Variants in CFAP61 observed in about 807,000 individuals in gnomAD.
The protein encoded by CFAP61 is cilia and flagella associated protein 61.
In CFAP61, 107 loss-of-function variants were observed where a neutral mutation model predicts 135.6. The ratio of observed to expected loss-of-function variants is 0.79; its 90% CI spans 0.67 to 0.93. The LOEUF is 0.93. Ranked by LOEUF, CFAP61 falls within the 40% of genes least tolerant of loss-of-function variation. CFAP61 has a pLI of 0.00. For synonymous variants in CFAP61, 575 were observed against 578.5 expected (o/e 0.99, Z 0.09); for missense variants, 1,507 against 1,556.2 (o/e 0.97, Z 0.53).
chr20:20,351,656 CA>C (rs551106328), intron 26 of CFAP61, among the ~76,000 whole-genome samples: 62 of 150,786 alleles, frequency 4.1e-4, no homozygotes, highest in Non-Finnish European at 7.7e-4. Flanking sequence ...TACAAAGCAT[CA>C]AAAAAAATAT....
intron 25 of CFAP61, among the ~76,000 whole-genome samples, chr20:20,301,780 A>T (rs1200846300): frequency 2.0e-5 from 3 of 152,218 alleles, no homozygotes; most frequent in African/African-American, 7.2e-5. Context: ...ATATATTTTT[A>T]ACCAACTTTG....
At chr20:20,078,950 G>A (rs574481202) in intron 6 of CFAP61, among the ~76,000 whole-genome samples, 3 of 152,178 alleles carry the variant, frequency 2.0e-5, no homozygotes, top group African/African-American at 4.8e-5. Context: ...GATTAATATG[G>A]GGACATTACA....
Position 20,056,727 on chromosome 20 carries a change from A to G in CFAP61, c.74A>G (p.Tyr25Cys). The change falls in exon 2 of 27, where the codon TAT becomes TGT. Residue 25 changes from tyrosine (Y) to cysteine (C), a missense_variant. Tyr to Cys is a radical substitution (Grantham distance 194, BLOSUM62 -2). Transcript: ENST00000245957. Reference protein sequence around the residue: ...HCRRTESQDVYCIKSLIRKFT... With the variant: ...HCRRTESQDVCCIKSLIRKFT... The stretch of plus-strand genomic sequence containing the variant: ...CGAAGAACAGAATCACAGGATGTTT[A>G]TTGTATCAAAAGCCTTATTAGAAAA... The G allele has an allele frequency of 6.2e-7, 1 of 1,614,098 alleles. No homozygotes were observed. Among genetic ancestry groups the G allele is most frequent in the Non-Finnish European group, 8.5e-7 (1 of 1,179,924 alleles).
chr20:20,071,462 T>C (rs2045701918), intron 3 of CFAP61, among the ~76,000 whole-genome samples: 1 of 152,236 alleles, frequency 6.6e-6, no homozygotes, highest in African/African-American at 2.4e-5. Flanking sequence ...GTCTTCTAGC[T>C]GCTGACACAT....
intron 25 of CFAP61, among the ~76,000 whole-genome samples, chr20:20,330,837 A>G (rs762783816): frequency 3.9e-4 from 59 of 152,260 alleles, no homozygotes; most frequent in Admixed American, 3.9e-4. Flanking sequence ...AATTCAAGAG[A>G]ATGTCCTCTC....
intron 2 of CFAP61, among the ~76,000 whole-genome samples, chr20:20,061,766 T>C (rs1209983251): frequency 6.6e-6 from 1 of 152,254 alleles, no homozygotes; most frequent in Non-Finnish European, 1.5e-5. Context: ...CCATGTTTTC[T>C]ATCTTTGTTG....
At chr20:20,069,766 C>A (rs1490217278) in intron 2 of CFAP61, 6 of 456,258 alleles carry the variant, frequency 1.3e-5, no homozygotes, top group Admixed American at 1.2e-4. Context: ...CTTGTCTGCA[C>A]TGACAGTGTA....
At chr20:20,339,179 G>T (rs1255663855) in intron 25 of CFAP61, among the ~76,000 whole-genome samples, 1 of 152,176 alleles carries the variant, frequency 6.6e-6, no homozygotes, top group African/African-American at 2.4e-5. Flanking sequence ...GGCAGGCTGT[G>T]TGGGTTACTT....
chr20:20,196,695 G>A lies in CFAP61; in HGVS notation c.1716G>A (p.Lys572=). 6.2e-7 allele frequency: 1 copy of A among 1,614,152 alleles called. No individual in the cohort carries two copies. The highest frequency in any genetic ancestry group is 8.5e-7 in the Non-Finnish European group (1 of 1,180,036). ...ACCCCATTTTCCGGCACTACACCAA[G>A]TTCTTTCTGAAGGAGATCCTGCGTT... ...ALNPIFRHYT[K]FFLKEILRLG... The change falls in exon 16 of 27, where the codon AAG becomes AAA. Residue 572 remains lysine (K), a synonymous_variant. Transcript: ENST00000245957.
intron 18 of CFAP61, among the ~76,000 whole-genome samples, chr20:20,243,952 C>A (rs2050223825): frequency 6.6e-6 from 1 of 152,140 alleles, no homozygotes; most frequent in Admixed American, 6.5e-5. Context: ...CCATGCAAGT[C>A]CGAAATCCAG....
At chr20:20,076,744 G>A (rs926488037) in intron 6 of CFAP61, among the ~76,000 whole-genome samples, 2 of 152,204 alleles carry the variant, frequency 1.3e-5, no homozygotes, top group Admixed American at 1.3e-4. Context: ...AAGAGCCTAT[G>A]ATTTACCAGG....
chr20:20,094,288 A>G (rs1382716510), intron 7 of CFAP61: 1 of 152,200 alleles, frequency 6.6e-6, no homozygotes, highest in African/African-American at 2.4e-5. Context: ...GGCTAGCCAT[A>G]GAAGGGAGGG....
At position 20,169,078 on chromosome 20, in the gene CFAP61, T is replaced by C. The variant is rs374248996; in HGVS notation, c.1246-243T>C. Among the ~76,000 whole-genome samples the C allele has an allele frequency of 3.3e-5, 5 of 152,324 alleles. 1 individual carries two copies. Among genetic ancestry groups the C allele is most frequent in the African/African-American group, 9.6e-5 (4 of 41,570 alleles). ...AAGAGTTATGCTGAATGACTGCCAT[T>C]GTTTATAAGATTCATTTATTCAGGT... is the stretch of plus-strand genomic sequence containing the variant. On this transcript the variant is annotated intron_variant, in intron 12 of 26. Transcript: ENST00000245957.
chr20:20,182,477 G>A lies in CFAP61; in HGVS notation c.1386-5453G>A, dbSNP rs561890037. On this transcript the variant is annotated intron_variant, in intron 13 of 26. Coordinates refer to ENST00000245957, the MANE Select transcript of CFAP61 (RefSeq NM_015585.4). ...ATTGCAGAATTATTTCTCAAAATATGGTCTGGAGTCAATAGCAGTTCAGCT... is the reference window on the plus strand; with the variant it reads ...ATTGCAGAATTATTTCTCAAAATATAGTCTGGAGTCAATAGCAGTTCAGCT... Among the ~76,000 whole-genome samples the A allele has an allele frequency of 2.0e-3, 298 of 151,976 alleles. 3 individuals are homozygous for A. The highest frequency in any genetic ancestry group is 6.8e-3 in the African/African-American group (284 of 41,522).
chr20:20,318,598 G>A (rs1467075036), intron 25 of CFAP61, among the ~76,000 whole-genome samples: 3 of 152,150 alleles, frequency 2.0e-5, no homozygotes, highest in African/African-American at 7.2e-5. Context: ...CCTGATGGTG[G>A]AAATCATGGG....
chr20:20,156,335 C>T (rs1004602329), intron 9 of CFAP61, among the ~76,000 whole-genome samples: 15 of 152,004 alleles, frequency 9.9e-5, no homozygotes, highest in African/African-American at 3.4e-4. Context: ...ATATAAAAGA[C>T]ATTTGAAAAT....
chr20:20,122,691 G>GGCA (rs2049752171), intron 8 of CFAP61, among the ~76,000 whole-genome samples: 1 of 152,182 alleles, frequency 6.6e-6, no homozygotes, highest in Non-Finnish European at 1.5e-5. Flanking sequence ...TTGGTTCCAT[G>GGCA]ATTTTGCAAT....
At chr20:20,161,057 C>T (rs1367133233) in intron 10 of CFAP61, among the ~76,000 whole-genome samples, 2 of 152,170 alleles carry the variant, frequency 1.3e-5, no homozygotes, top group Non-Finnish European at 2.9e-5. Context: ...CTTTGCTCCC[C>T]AAGTAAACTA....
At chr20:20,348,723 A>G (rs541177021) in intron 26 of CFAP61, among the ~76,000 whole-genome samples, 1 of 148,492 alleles carries the variant, frequency 6.7e-6, no homozygotes, top group African/African-American at 2.5e-5. Flanking sequence ...AACAAAGGGG[A>G]AAAAACACTA....
Sources: gnomAD v4.1 joint callset for allele counts (sites outside exome capture counted in the v4.1 genomes callset) on GRCh38, gnomAD v4.1.1 for gene constraint, MANE v1.5 for transcripts, NCBI Gene and HGNC (gene_info 2026-07-23, HGNC 2026-07-21) for gene names.